EPS15L1: variants seen among roughly 807,000 people sequenced by gnomAD.
EPS15L1 encodes the protein epidermal growth factor receptor pathway substrate 15 like 1.
EPS15L1 carries 43 observed loss-of-function variants against 117.1 expected under a neutral mutation model. The observed-to-expected ratio is 0.37, with a 90% confidence interval of 0.29 to 0.47. EPS15L1 has a LOEUF of 0.47. EPS15L1 is among the 20% of genes least tolerant of loss of function. EPS15L1 has a pLI of 0.99. For missense variants in EPS15L1, 981 were observed against 1,164.0 expected (o/e 0.84, Z 2.29); for synonymous variants, 459 against 470.5 (o/e 0.98, Z 0.32).
At chr19:16,456,981 G>C (rs910537132) in intron 1 of EPS15L1, among the ~76,000 whole-genome samples, 4 of 152,048 alleles carry the variant, frequency 2.6e-5, no homozygotes, top group African/African-American at 9.7e-5. Flanking sequence ...CTGCAGGCCA[G>C]CAAGGTGGGC....
rs754223152 is a variant in EPS15L1, at chr19:16,395,409, G to A, written c.1850C>T (p.Pro617Leu). Residue 617 changes from proline (P) to leucine (L), a missense_variant, in exon 17 of 24, where the codon CCG becomes CTG. This residue lies in a region of EPS15L1 where 819 missense variants were observed against 949.0 expected (regional missense o/e 0.86). Coordinates refer to ENST00000455140, the MANE Select transcript of EPS15L1 (RefSeq NM_001258374.3). Reference protein sequence around the residue: ...LFSNNTQELHPDPFQTEDPFK... With the variant: ...LFSNNTQELHLDPFQTEDPFK... ...GGGGTCTTCTGTCTGGAAAGGATCC[G>A]GATGCAACTCTTGCGTGTTGTTGCT... 1.7e-5 allele frequency: 27 copies of A among 1,613,530 alleles called. No individual in the cohort carries two copies. The highest frequency in any genetic ancestry group is 2.7e-5 in the African/African-American group (2 of 74,872).
At chr19:16,424,186 G>A (rs144768974) in intron 9 of EPS15L1, among the ~76,000 whole-genome samples, 1 of 152,210 alleles carries the variant, frequency 6.6e-6, no homozygotes, top group Non-Finnish European at 1.5e-5. Flanking sequence ...GCCCTTGGGA[G>A]GCCCAGACAA....
rs138497536 is a variant in EPS15L1, at chr19:16,363,433, G to A, written c.2381-1449C>T. ...CTGGGACACCTGCCTTCCTCATCCG[G>A]TAGAACGAGCCCACACAGGCCAGCC... On this transcript the variant is annotated intron_variant, in intron 22 of 23. Coordinates refer to ENST00000455140, the MANE Select transcript of EPS15L1 (RefSeq NM_001258374.3). 4.7e-4 allele frequency among the ~76,000 whole-genome samples: 72 copies of A among 152,082 alleles called. 1 individual carries two copies. The highest frequency in any genetic ancestry group is 1.7e-3 in the African/African-American group (69 of 41,488).
intron 1 of EPS15L1, among the ~76,000 whole-genome samples, chr19:16,463,582 T>C (rs1301002040): frequency 6.6e-6 from 1 of 152,190 alleles, no homozygotes; most frequent in Non-Finnish European, 1.5e-5. Context: ...ATGTGGCCCA[T>C]GCTACTCTTC....
intron 1 of EPS15L1, among the ~76,000 whole-genome samples, chr19:16,469,078 G>A (rs141588071): frequency 1.3e-5 from 2 of 152,138 alleles, no homozygotes; most frequent in Non-Finnish European, 2.9e-5. Context: ...GAGTGGGCAA[G>A]TAGGAAGTAG....
chr19:16,420,489 T>C (rs1284801182), intron 10 of EPS15L1, among the ~76,000 whole-genome samples: 1 of 152,128 alleles, frequency 6.6e-6, no homozygotes, highest in Non-Finnish European at 1.5e-5. Context: ...GGCTTGGCCA[T>C]TTGGGTGATG....
Position 16,419,465 on chromosome 19 carries a change from A to T in EPS15L1, c.951-1361T>A, listed in dbSNP as rs141852338. 7.0e-4 allele frequency among the ~76,000 whole-genome samples: 106 copies of T among 152,216 alleles called. 1 individual carries two copies. Among genetic ancestry groups the T allele is most frequent in the Middle Eastern group, 3.4e-3 (1 of 294 alleles). On this transcript the variant is annotated intron_variant, in intron 10 of 23. Transcript: ENST00000455140. ...CAGTGAGTCTCTGTCTCAAAAAAAA[A>T]AAATAAAAAAATGAGGAGCCAACCA...
At chr19:16,467,603 G>A (rs1390296637) in intron 1 of EPS15L1, among the ~76,000 whole-genome samples, 1 of 152,122 alleles carries the variant, frequency 6.6e-6, no homozygotes, top group African/African-American at 2.4e-5. Context: ...GATCTTTCAG[G>A]AGTGGATTTT....
rs1197514722 is a variant in EPS15L1 at position 16,471,653 on chromosome 19, G to T, written c.33+260C>A. Reference sequence around the variant, plus strand: ...GGCCTGGGAGCTTCAGCGGCGGCAGGGTCCGGGCCCTGGGCGGAGAGGACA... The same window carrying T: ...GGCCTGGGAGCTTCAGCGGCGGCAGTGTCCGGGCCCTGGGCGGAGAGGACA... On this transcript the variant is annotated intron_variant, in intron 1 of 23. Coordinates refer to ENST00000455140, the MANE Select transcript of EPS15L1 (RefSeq NM_001258374.3). The surrounding 1 kb of genome is among the most constrained non-coding windows in gnomAD (Gnocchi z 4.8). Among the ~76,000 whole-genome samples, 1 of 152,074 alleles carries T rather than the reference G, an allele frequency of 6.6e-6. No homozygotes were observed. The highest frequency in any genetic ancestry group is 1.5e-5 in the Non-Finnish European group (1 of 67,962).
At chr19:16,400,449 T>A (rs1334531217) in intron 16 of EPS15L1, among the ~76,000 whole-genome samples, 1 of 150,878 alleles carries the variant, frequency 6.6e-6, no homozygotes, top group African/African-American at 2.4e-5. Context: ...TGTCCAAACA[T>A]AGGAAGTTCC....
intron 19 of EPS15L1, among the ~76,000 whole-genome samples, chr19:16,390,653 C>A (rs1452476578): frequency 6.6e-6 from 1 of 151,968 alleles, no homozygotes; most frequent in Non-Finnish European, 1.5e-5. Flanking sequence ...TCTCAAATAA[C>A]AAATTTAATT....
In EPS15L1 at chr19:16,371,922, A is replaced by G. The variant is rs1380393556; in HGVS notation, c.2380+5200T>C. 6.6e-6 allele frequency among the ~76,000 whole-genome samples: 1 copy of G among 152,180 alleles called. No homozygotes were observed. The highest frequency in any genetic ancestry group is 1.5e-5 in the Non-Finnish European group (1 of 68,028). On this transcript the variant is annotated intron_variant, in intron 22 of 23. Transcript: ENST00000455140. This position sits in a 1 kb window ranked among gnomAD's most constrained non-coding sequence, Gnocchi z 4.7. ...CCACGGCTAACTTTAACCTAACTCT[A>G]ACTGACAGGTTTCGGCAGCCTGCCG...
In EPS15L1 at chr19:16,471,098, A is replaced by T. The variant is rs1429393788; in HGVS notation, c.33+815T>A. On this transcript the variant is annotated intron_variant, in intron 1 of 23. Coordinates refer to ENST00000455140, the MANE Select transcript of EPS15L1 (RefSeq NM_001258374.3). The surrounding 1 kb of genome is among the most constrained non-coding windows in gnomAD (Gnocchi z 4.8). ...GCAAAATGCTTATATGGTGCTTTGC[A>T]CAACACAGGTATTCAGCAAATAAAG... 1.3e-5 allele frequency among the ~76,000 whole-genome samples: 2 copies of T among 152,202 alleles called. No homozygotes were observed. The highest frequency in any genetic ancestry group is 4.8e-5 in the African/African-American group (2 of 41,454).
rs1010034014 is a variant in EPS15L1, at chr19:16,413,562, G to A, written c.1266+211C>T. 6.8e-6 allele frequency: 5 copies of A among 737,038 alleles called. No homozygotes were observed. The African/African-American group carries it at 7.0e-5, about 10-fold the overall frequency. The allele number at this position is 737,038 out of a possible 1,614,324, so 45.7% of individuals were successfully genotyped here. A position where few individuals can be genotyped will look rare whatever the true frequency, so the allele number is the denominator to read the frequency against. ...CATGCAGAGCACCCAGGCTCCAGCT[G>A]TGGCTACAACATAGGGTTTTTATAC... On this transcript the variant is annotated intron_variant, in intron 13 of 23. Coordinates refer to ENST00000455140, the MANE Select transcript of EPS15L1 (RefSeq NM_001258374.3).
intron 16 of EPS15L1, chr19:16,400,640 A>C: frequency 1.0e-6 from 1 of 985,416 alleles, no homozygotes. Context: ...AAATGCTTTA[A>C]AAACTGTATT....
chr19:16,385,177 C>T lies in EPS15L1; in HGVS notation c.2199G>A (p.Gly733=). 1 of 1,614,134 alleles carries T rather than the reference C, an allele frequency of 6.2e-7. No individual in the cohort carries two copies. The highest frequency in any genetic ancestry group is 8.5e-7 in the Non-Finnish European group (1 of 1,180,018). The change falls in exon 21 of 24, where the codon GGG becomes GGA. Residue 733 remains glycine (G), a synonymous_variant. Transcript: ENST00000455140. ...CAAAGCCTTCAGCACTATTGAAGGA[C>T]CCACTTCCGAAGGGATCTAAGGTTC... ...PFGTLDPFGS[G]SFNSAEGFAD...
rs78768325 is a variant in EPS15L1 at position 16,365,775 on chromosome 19, G to A, written c.2381-3791C>T. Among the ~76,000 whole-genome samples, 723 of 152,304 alleles carry A rather than the reference G, an allele frequency of 4.7e-3. 23 individuals carry two copies. The East Asian group carries it at 0.069, about 15-fold the overall frequency. On this transcript the variant is annotated intron_variant, in intron 22 of 23. Transcript: ENST00000455140. This position sits in a 1 kb window ranked among gnomAD's most constrained non-coding sequence, Gnocchi z 4.9. ...TTCCCGTGGCACTGGCCTCTGGCAC[G>A]GCTGAGGGTCAGCTCTGTGAAAAGC...
At chr19:16,406,687 G>A (rs749587009) in intron 13 of EPS15L1, among the ~76,000 whole-genome samples, 3 of 152,234 alleles carry the variant, frequency 2.0e-5, no homozygotes, top group Non-Finnish European at 4.4e-5. Context: ...CCTGCCCAGA[G>A]AAGTTCCCTC....
chr19:16,466,446 C>A (rs1483745728), intron 1 of EPS15L1, among the ~76,000 whole-genome samples: 2 of 152,138 alleles, frequency 1.3e-5, no homozygotes, highest in Non-Finnish European at 2.9e-5. Context: ...GAATGCACTA[C>A]ACATTGGGCT....
Sources: allele counts gnomAD v4.1 joint callset (sites outside exome capture counted in the v4.1 genomes callset), GRCh38; gene constraint gnomAD v4.1.1; regional missense constraint gnomAD v4.1.1; non-coding constraint Gnocchi (gnomAD v3.1); transcripts MANE v1.5; gene names NCBI Gene and HGNC (gene_info 2026-07-23, HGNC 2026-07-21).